The following MYO15A variants were observed in gnomAD, a reference collection of about 807,000 sequenced individuals.
The protein encoded by MYO15A is myosin XVA, also known as unconventional myosin-XV.
Under a neutral mutation model 394.6 loss-of-function variants are expected in MYO15A, and 308 were observed. That is an observed-to-expected ratio of 0.78 (90% confidence interval 0.71 to 0.86). The LOEUF (loss-of-function observed/expected upper bound fraction) is 0.86. Ranked by LOEUF, MYO15A falls within the 40% of genes least tolerant of loss-of-function variation. MYO15A has a pLI of 0.00. For missense variants in MYO15A, 4,606 were observed against 4,799.1 expected (o/e 0.96, Z 1.19); for synonymous variants, 1,957 against 2,003.8 (o/e 0.98, Z 0.62).
Position 18,120,804 on chromosome 17 carries a change from G to T in MYO15A, c.2004G>T (p.Arg668=). The stretch of plus-strand genomic sequence containing the variant: ...TCCTGTCTCCGCCCGTGCCCCCGCG[G>T]CCCCCAAGCTCCGGGCCCCCGCCCG... ...SALLSPPVPP[R]PPSSGPPPAP... is the part of the protein sequence containing the mutation. Residue 668 remains arginine (R), a synonymous_variant, in exon 2 of 66, where the codon CGG becomes CGT. Coordinates refer to ENST00000647165, the MANE Select transcript of MYO15A (RefSeq NM_016239.4). The T allele has an allele frequency of 7.7e-7, 1 of 1,290,526 alleles. No individual in the cohort carries two copies. Among genetic ancestry groups the T allele is most frequent in the South Asian group, 2.0e-5 (1 of 50,982 alleles). The allele number at this position is 1,290,526 out of a possible 1,614,324, so 79.9% of individuals were successfully genotyped here.
rs755479632 is a variant in MYO15A at position 18,120,691 on chromosome 17, G to A, written c.1891G>A (p.Ala631Thr). The change falls in exon 2 of 66, where the codon GCC (alanine) becomes ACC (threonine). Residue 631 changes from alanine to threonine, a missense_variant. By Grantham distance (58) the Ala-to-Thr change is moderately conservative. Coordinates refer to ENST00000647165, the MANE Select transcript of MYO15A (RefSeq NM_016239.4). ...CGGCACGCCCATCGTGCTGAGGAGG[G>A]CCCAGCCACGCGCTCGCAGCAGCAA... ...KPGTPIVLRR[A>T]QPRARSSNDA... The A allele has an allele frequency of 1.3e-6, 2 of 1,557,588 alleles. No homozygotes were observed. The highest frequency in any genetic ancestry group is 8.6e-7 in the Non-Finnish European group (1 of 1,159,412).
intron 17 of MYO15A, 110 bp from the exon 18 acceptor site, chr17:18,138,701 T>C (rs2046324056): frequency 6.9e-7 from 1 of 1,448,386 alleles, no homozygotes; most frequent in South Asian, 1.2e-5. Context: ...TGTGAGTTGT[T>C]CCTCTCTGGT....
chr17:18,163,898 G>A, intron 60 of MYO15A, 60 bp downstream of exon 60: 7 of 1,552,890 alleles, frequency 4.5e-6, no homozygotes, highest in Non-Finnish European at 6.2e-6. Flanking sequence ...CTTGTGCCAT[G>A]TGGGGCCCTC....
At chr17:18,135,387 G>A (rs1418312499) in intron 12 of MYO15A, among the ~76,000 whole-genome samples, 1 of 151,936 alleles carries the variant, frequency 6.6e-6, no homozygotes. Flanking sequence ...TGTTGCCCAG[G>A]CTGGAGTGCA....
In MYO15A at chr17:18,120,689, G is replaced by A; in HGVS notation, c.1889G>A (p.Arg630Lys). Residue 630 changes from arginine (R) to lysine (K), a missense_variant, in exon 2 of 66, where the codon AGG becomes AAG. Physicochemically the swap from Arg to Lys is conservative, Grantham distance 26. Around this residue, in one of 2 missense-constraint regions of MYO15A, gnomAD observed 1,830 missense variants for 1,689.7 expected, o/e 1.08. Coordinates refer to ENST00000647165, the MANE Select transcript of MYO15A (RefSeq NM_016239.4). ...EKPGTPIVLRRAQPRARSSND... is the reference protein window; with the variant it reads ...EKPGTPIVLRKAQPRARSSND... ...CCCGGCACGCCCATCGTGCTGAGGA[G>A]GGCCCAGCCACGCGCTCGCAGCAGC... The A allele has an allele frequency of 6.4e-7, 1 of 1,562,748 alleles. No individual in the cohort carries two copies. The highest frequency in any genetic ancestry group is 8.6e-7 in the Non-Finnish European group (1 of 1,161,784).
chr17:18,118,727 A>C lies in MYO15A; in HGVS notation c.-74A>C. On this transcript the variant is annotated 5_prime_UTR_variant, in exon 2 of 66. Transcript: ENST00000647165. ...GTGTCCAGCCGCGGGCAAGAGACAGAGCAGGTCCCTGTGTCTCCAAGTCCC... is the reference window on the plus strand; with the variant it reads ...GTGTCCAGCCGCGGGCAAGAGACAGCGCAGGTCCCTGTGTCTCCAAGTCCC... 1 of 1,602,442 alleles carries C rather than the reference A, an allele frequency of 6.2e-7. No homozygotes were observed. The highest frequency in any genetic ancestry group is 8.5e-7 in the Non-Finnish European group (1 of 1,176,190).
chr17:18,122,624 A>T, intron 2 of MYO15A: 1 of 686,900 alleles, frequency 1.5e-6, no homozygotes, highest in Non-Finnish European at 2.3e-6. Context: ...CCCAGGACAG[A>T]GACGTGGGAA....
chr17:18,118,416 C>T (rs1243799908), intron 1 of MYO15A, among the ~76,000 whole-genome samples, 166 bp from the exon 2 acceptor site: 1 of 152,220 alleles, frequency 6.6e-6, no homozygotes, highest in African/African-American at 2.4e-5. Context: ...CAAGGGCTCC[C>T]TTCATGGGGT....
Position 18,118,962 on chromosome 17 carries a change from C to T in MYO15A, c.162C>T (p.Arg54=). Residue 54 remains arginine (R), a synonymous_variant, in exon 2 of 66, where the codon CGC becomes CGT. Coordinates refer to ENST00000647165, the MANE Select transcript of MYO15A (RefSeq NM_016239.4). ...AGATCTCCAAGAAGGGCCAGTTCCG[C>T]AGCGCCTCGGCCTTCTTCTGGGGCC... is the stretch of plus-strand genomic sequence containing the variant. ...TPKISKKGQF[R]SASAFFWGLH... is the part of the protein sequence containing the mutation. 6.2e-7 allele frequency: 1 copy of T among 1,613,392 alleles called. No homozygotes were observed. The highest frequency in any genetic ancestry group is 8.5e-7 in the Non-Finnish European group (1 of 1,180,024).
At chr17:18,178,450 T>C (rs1040986953) in intron 65 of MYO15A, 2 of 482,972 alleles carry the variant, frequency 4.1e-6, no homozygotes, top group African/African-American at 3.9e-5. Context: ...AGGCCCCTGG[T>C]CAATTGAGAC....
chr17:18,126,572 C>G (rs1312700935), intron 5 of MYO15A, 116 bp downstream of exon 5: 1 of 1,106,668 alleles, frequency 9.0e-7, no homozygotes, highest in African/African-American at 1.6e-5. Context: ...GGAAAGGCAG[C>G]CCACCTACTC....
chr17:18,163,786 G>A lies in MYO15A; in HGVS notation c.9735G>A (p.Leu3245=). Residue 3245 remains leucine (L), a synonymous_variant, in exon 60 of 66, where the codon CTG becomes CTA. Transcript: ENST00000647165. ...AAGAGATATGTGCTGAGATGGCTCT[G>A]ACACGCCCTGAGGCCTTCAATGAAT... The part of the protein sequence containing the change: ...VVEEICAEMA[L]TRPEAFNEYV... 6.2e-7 allele frequency: 1 copy of A among 1,614,078 alleles called. No homozygotes were observed.
chr17:18,138,711 T>G, intron 17 of MYO15A, 100 bp from the exon 18 acceptor site: 1 of 1,492,444 alleles, frequency 6.7e-7, no homozygotes, highest in Non-Finnish European at 9.1e-7. Flanking sequence ...TCCTCTCTGG[T>G]GCTCAGTTGG....
At chr17:18,178,705 TC>T in intron 65 of MYO15A, 63 bp from the exon 66 acceptor site, 1 of 1,502,784 alleles carries the variant, frequency 6.7e-7, no homozygotes. Flanking sequence ...ATTCTGTACT[TC>T]CCACCCCAAG....
Position 18,173,839 on chromosome 17 carries a change from C to A in MYO15A, c.10409C>A (p.Thr3470Lys). The change falls in exon 65 of 66, where the codon ACG (threonine) becomes AAG (lysine). Residue 3470 changes from threonine to lysine, a missense_variant. This residue lies in a region of MYO15A where 2,776 missense variants were observed against 3,109.3 expected (regional missense o/e 0.89). Transcript: ENST00000647165. ...CAGTCGACGCGGACCCAGCGGCCCA[C>A]GGCCAACTCCAGCTACCCCTATGTG... ...EIQSTRTQRPTANSSYPYVEI... is the reference protein window; with the variant it reads ...EIQSTRTQRPKANSSYPYVEI... 6.2e-7 allele frequency: 1 copy of A among 1,613,344 alleles called. No individual in the cohort carries two copies. Among genetic ancestry groups the A allele is most frequent in the Non-Finnish European group, 8.5e-7 (1 of 1,179,506 alleles).
chr17:18,140,322 C>T, intron 19 of MYO15A, 195 bp from the exon 20 acceptor site: 2 of 747,630 alleles, frequency 2.7e-6, no homozygotes, highest in Non-Finnish European at 4.5e-6. Flanking sequence ...TGGGATGGAT[C>T]CCTTGGAAGA....
chr17:18,126,480 C>G (rs764089316), intron 5 of MYO15A, 24 bp downstream of exon 5: 7 of 1,604,834 alleles, frequency 4.4e-6, no homozygotes, highest in Non-Finnish European at 6.0e-6. Flanking sequence ...GGGCGCTGCC[C>G]TGGGGTCTCT....
Position 18,122,099 on chromosome 17 carries a change from T to A in MYO15A, c.3299T>A (p.Leu1100Gln), listed in dbSNP as rs1555540034. 6.2e-7 allele frequency: 1 copy of A among 1,612,804 alleles called. No homozygotes were observed. The highest frequency in any genetic ancestry group is 1.7e-5 in the Admixed American group (1 of 60,026). Residue 1100 changes from leucine to glutamine, a missense_variant, in exon 2 of 66, where the codon CTG becomes CAG. By Grantham distance (113) the Leu-to-Gln change is moderately radical (BLOSUM62 -2). This residue lies in a region of MYO15A where 1,830 missense variants were observed against 1,689.7 expected (regional missense o/e 1.08). Transcript: ENST00000647165. Reference protein sequence around the residue: ...PLAPIRAPEPLPKGGERRQAA... With the variant: ...PLAPIRAPEPQPKGGERRQAA... The stretch of plus-strand genomic sequence containing the variant: ...GCGCCCATCAGGGCCCCAGAGCCCC[T>A]GCCCAAGGGGGGTGAACGGCGCCAG...
At chr17:18,162,220 A>T (rs2046786664) in intron 57 of MYO15A, among the ~76,000 whole-genome samples, 1 of 152,120 alleles carries the variant, frequency 6.6e-6, no homozygotes, top group Non-Finnish European at 1.5e-5. Context: ...AGGGTATCCC[A>T]GCTGGCATGA....
Sources: allele counts gnomAD v4.1 joint callset (sites outside exome capture counted in the v4.1 genomes callset), GRCh38; gene constraint gnomAD v4.1.1; regional missense constraint gnomAD v4.1.1; transcripts MANE v1.5; gene names NCBI Gene and HGNC (gene_info 2026-07-23, HGNC 2026-07-21).